Variants in RGS6 observed in about 807,000 individuals in gnomAD.
RGS6 encodes regulator of G-protein signaling 6.
A neutral mutation model predicts 78.5 loss-of-function variants in RGS6; 30 were observed. That is an observed-to-expected ratio of 0.38 (90% confidence interval 0.29 to 0.52). RGS6 has a LOEUF of 0.52. RGS6 is among the 20% of genes least tolerant of loss of function. The pLI, the probability that RGS6 is intolerant of heterozygous loss-of-function variation, is 0.85. For synonymous variants in RGS6, 206 were observed against 206.0 expected (o/e 1.00, Z 0.00); for missense variants, 495 against 609.7 (o/e 0.81, Z 1.98).
At chr14:71,912,871 G>T in the RGS6 span, among the ~76,000 whole-genome samples, 1 of 151,734 alleles carries the variant, frequency 6.6e-6, no homozygotes, top group Non-Finnish European at 1.5e-5. Flanking sequence ...TGTCACCCAG[G>T]CTGGAGTGCA....
At chr14:72,543,628 G>A (rs1043531697) in intron 17 of RGS6, among the ~76,000 whole-genome samples, 2 of 152,210 alleles carry the variant, frequency 1.3e-5, no homozygotes, top group Admixed American at 6.5e-5. Flanking sequence ...TCTCACTGAA[G>A]ACTCTTTCCT....
At chr14:72,367,524 G>A (rs891824112) in intron 3 of RGS6, among the ~76,000 whole-genome samples, 3 of 152,054 alleles carry the variant, frequency 2.0e-5, no homozygotes, top group Admixed American at 2.0e-4. Flanking sequence ...GTATCACAAA[G>A]AATAGAGGAA....
At chr14:72,319,878 TAAAC>T (rs1178375375) in intron 2 of RGS6, among the ~76,000 whole-genome samples, 1 of 152,118 alleles carries the variant, frequency 6.6e-6, no homozygotes, top group African/African-American at 2.4e-5. Flanking sequence ...AAATGAAACA[TAAAC>T]AAAGATATAA....
chr14:72,146,042 A>T (rs1051141145), intron 2 of RGS6, among the ~76,000 whole-genome samples: 1 of 152,172 alleles, frequency 6.6e-6, no homozygotes, highest in Non-Finnish European at 1.5e-5. Flanking sequence ...AAGAAGTCCA[A>T]AGTTAATGGG....
intron 2 of RGS6, among the ~76,000 whole-genome samples, chr14:72,187,305 C>T (rs373735972): frequency 3.6e-4 from 55 of 152,260 alleles, no homozygotes; most frequent in Non-Finnish European, 1.8e-4. Flanking sequence ...ATGCTATTGG[C>T]ACAAAGATGA....
chr14:72,158,036 G>A (rs1219793692), intron 2 of RGS6, among the ~76,000 whole-genome samples: 5 of 152,030 alleles, frequency 3.3e-5, no homozygotes, highest in Non-Finnish European at 5.9e-5. Flanking sequence ...GAGACCTGGT[G>A]CCCCAAGGAT....
intron 1 of RGS6, among the ~76,000 whole-genome samples, chr14:71,948,450 T>G (rs943254649): frequency 3.9e-5 from 6 of 152,198 alleles, no homozygotes; most frequent in African/African-American, 1.4e-4. Context: ...AGGGCTGCAA[T>G]GCCACCTTGA....
chr14:72,289,254 C>T (rs959609054), intron 2 of RGS6, among the ~76,000 whole-genome samples: 6 of 152,084 alleles, frequency 3.9e-5, no homozygotes, highest in Non-Finnish European at 7.4e-5. Flanking sequence ...TGCATGCTCT[C>T]CCTCTCTATT....
At chr14:72,165,412 C>T (rs550443959) in intron 2 of RGS6, among the ~76,000 whole-genome samples, 1 of 152,268 alleles carries the variant, frequency 6.6e-6, no homozygotes, top group South Asian at 2.1e-4. Context: ...TAAGTGGCAT[C>T]GCCTATAATG....
At chr14:72,270,709 C>A (rs1029672524) in intron 2 of RGS6, among the ~76,000 whole-genome samples, 4 of 152,172 alleles carry the variant, frequency 2.6e-5, no homozygotes, top group Non-Finnish European at 4.4e-5. Context: ...TGTTGCTGGG[C>A]AGCTGGGAAG....
intron 9 of RGS6, among the ~76,000 whole-genome samples, chr14:72,473,448 GAAA>G (rs566446325): frequency 6.7e-6 from 1 of 150,064 alleles, no homozygotes; most frequent in African/African-American, 2.4e-5. Context: ...CATCTCTGGG[GAAA>G]AAAAAAATTA....
chr14:72,619,426 C>G, the RGS6 span: 1 of 1,510,230 alleles, frequency 6.6e-7, no homozygotes, highest in African/African-American at 1.4e-5. Flanking sequence ...AGCCCCACCC[C>G]ACTGGCCCTA....
intron 6 of RGS6, among the ~76,000 whole-genome samples, chr14:72,464,481 A>G (rs114686456): frequency 1.7e-3 from 253 of 152,338 alleles, no homozygotes; most frequent in African/African-American, 5.9e-3. Context: ...CCAAAATGTC[A>G]TAGGTATCAG....
intron 2 of RGS6, among the ~76,000 whole-genome samples, chr14:72,165,653 T>C (rs1320758219): frequency 6.6e-6 from 1 of 152,254 alleles, no homozygotes; most frequent in African/African-American, 2.4e-5. Context: ...TGCCAGCACG[T>C]CGTTTTCTGA....
chr14:71,993,433 AG>A (rs2095054481), intron 2 of RGS6, among the ~76,000 whole-genome samples: 1 of 152,206 alleles, frequency 6.6e-6, no homozygotes, highest in Non-Finnish European at 1.5e-5. Flanking sequence ...TGAAATGAAT[AG>A]TTACTATCTA....
intron 2 of RGS6, among the ~76,000 whole-genome samples, chr14:72,026,847 A>G (rs1248698111): frequency 2.0e-5 from 3 of 152,234 alleles, no homozygotes; most frequent in Admixed American, 2.0e-4. Flanking sequence ...TATGTAGTGT[A>G]TGGCTACAGA....
At chr14:71,885,131 T>C in the RGS6 span, among the ~76,000 whole-genome samples, 2 of 152,208 alleles carry the variant, frequency 1.3e-5, no homozygotes. Flanking sequence ...TCTTGAACCC[T>C]GTCCATTCTT....
intron 3 of RGS6, among the ~76,000 whole-genome samples, chr14:72,352,511 GAAATT>G (rs555357986): frequency 2.2e-4 from 34 of 152,264 alleles, no homozygotes; most frequent in African/African-American, 7.5e-4. Context: ...AAATATTAAA[GAAATT>G]AAACAGGTTT....
chr14:72,505,526 A>AAC (rs1361118997), intron 13 of RGS6, among the ~76,000 whole-genome samples: 2 of 152,218 alleles, frequency 1.3e-5, no homozygotes, highest in Non-Finnish European at 2.9e-5. Context: ...GAGGGACACA[A>AAC]ACATTTAGTC....
Sources: gnomAD v4.1 joint callset for allele counts (sites outside exome capture counted in the v4.1 genomes callset) on GRCh38, gnomAD v4.1.1 for gene constraint, MANE v1.5 for transcripts, NCBI Gene and HGNC (gene_info 2026-07-23, HGNC 2026-07-21) for gene names.